Variants in WDFY3 observed in about 807,000 individuals in gnomAD.
WDFY3 encodes the protein WD repeat and FYVE domain-containing protein 3.
A neutral mutation model predicts 409.6 loss-of-function variants in WDFY3; 66 were observed. The observed-to-expected ratio is 0.16, with a 90% CI of 0.13 to 0.20. The LOEUF (loss-of-function observed/expected upper bound fraction) is 0.20, where lower values mean the gene tolerates loss of function less well. WDFY3 is among the 10% of genes least tolerant of loss of function. WDFY3 has a pLI of 1.00. For synonymous variants in WDFY3, 1,521 were observed against 1,537.1 expected, an observed-to-expected ratio of 0.99 and a Z score of 0.25; for missense variants, 3,031 against 4,298.1, an observed-to-expected ratio of 0.71 and a Z score of 8.24.
At chr4:84,768,162 C>A (rs1265734242) in intron 30 of WDFY3, among the ~76,000 whole-genome samples, 1 of 152,150 alleles carries the variant, frequency 6.6e-6, no homozygotes, top group Admixed American at 6.5e-5. Context: ...AGGAAAGAAG[C>A]CATCTCCATA....
chr4:84,862,201 CAGG>C (rs1412400648), intron 3 of WDFY3, among the ~76,000 whole-genome samples: 1 of 152,152 alleles, frequency 6.6e-6, no homozygotes, highest in Non-Finnish European at 1.5e-5. Context: ...CTGTAGCTAA[CAGG>C]AGGACACGAT....
In WDFY3 at chr4:84,789,712, GCACATA is replaced by G; in HGVS notation, c.3669+8_3669+13del. 6.2e-7 allele frequency: 1 copy of G among 1,611,016 alleles called. No individual in the cohort carries two copies. The highest frequency in any genetic ancestry group is 8.5e-7 in the Non-Finnish European group (1 of 1,178,834). ...TTATAAAACAGGTAGATTTACAAGTGCACATACACTTACCTTTACAGTGTTAACAAG... is the reference window on the plus strand; with the variant it reads ...TTATAAAACAGGTAGATTTACAAGTGCACTTACCTTTACAGTGTTAACAAG... On this transcript the variant is annotated splice_region_variant and intron_variant, in intron 22 of 67. Coordinates refer to ENST00000295888, the MANE Select transcript of WDFY3 (RefSeq NM_014991.6).
At chr4:84,871,694 G>A (rs527682663) in intron 3 of WDFY3, among the ~76,000 whole-genome samples, 9 of 151,750 alleles carry the variant, frequency 5.9e-5, no homozygotes, top group Non-Finnish European at 1.3e-4. Context: ...TGGAGTGCAG[G>A]TGCAATCCCA....
At position 84,837,593 on chromosome 4, in the gene WDFY3, G is replaced by A. The variant is rs566757592; in HGVS notation, c.415-503C>T. 4.6e-5 allele frequency among the ~76,000 whole-genome samples: 7 copies of A among 152,182 alleles called. No homozygotes were observed. In the South Asian group the frequency reaches 1.5e-3, roughly 32 times the overall value. On this transcript the variant is annotated intron_variant, in intron 6 of 67. Coordinates refer to ENST00000295888, the MANE Select transcript of WDFY3 (RefSeq NM_014991.6). ...TTTATTCTTATTGTAGATTTTTGAG[G>A]CTGGAAAGACACTTGAGTGATAAAG...
In WDFY3 at chr4:84,746,083, G is replaced by A. The variant is rs541194141; in HGVS notation, c.5974-2284C>T. 4.6e-5 allele frequency among the ~76,000 whole-genome samples: 7 copies of A among 150,712 alleles called. 1 individual carries two copies. The South Asian group carries it at 1.5e-3, about 32-fold the overall frequency. On this transcript the variant is annotated intron_variant, in intron 36 of 67. Transcript: ENST00000295888. ...AGTATTTTGGGAGGCTAAGGCAGGT[G>A]GATTACTTGAACGCAGGAGTTCAAG...
intron 21 of WDFY3, among the ~76,000 whole-genome samples, chr4:84,790,718 C>T (rs1748372092): frequency 6.6e-6 from 1 of 151,960 alleles, no homozygotes; most frequent in African/African-American, 2.4e-5. Context: ...TTTCATAAGG[C>T]AGTAATGTCA....
intron 4 of WDFY3, among the ~76,000 whole-genome samples, chr4:84,850,274 G>A (rs574380298): frequency 6.6e-6 from 1 of 152,060 alleles, no homozygotes; most frequent in South Asian, 2.1e-4. Flanking sequence ...AGACATTATT[G>A]ATAAAATTTG....
At chr4:84,803,144 A>G in intron 16 of WDFY3, 146 bp downstream of exon 16, 1 of 838,066 alleles carries the variant, frequency 1.2e-6, no homozygotes, top group Non-Finnish European at 1.7e-6. Context: ...GTAACACTCA[A>G]ATAAAAAAAT....
chr4:84,753,888 A>C lies in WDFY3; in HGVS notation c.5560-12T>G. 1.3e-6 allele frequency: 2 copies of C among 1,565,838 alleles called. No homozygotes were observed. Among genetic ancestry groups the C allele is most frequent in the South Asian group, 2.4e-5 (2 of 82,914 alleles). On this transcript the variant is annotated splice_polypyrimidine_tract_variant and intron_variant, in intron 34 of 67. Coordinates refer to ENST00000295888, the MANE Select transcript of WDFY3 (RefSeq NM_014991.6). ...TCTGATTGCCAAGGCTGTTATGGGGACATGAGAGGAAACACTATGTTACAG... is the reference window on the plus strand; with the variant it reads ...TCTGATTGCCAAGGCTGTTATGGGGCCATGAGAGGAAACACTATGTTACAG...
At chr4:84,885,777 T>C (rs930566806) in intron 3 of WDFY3, among the ~76,000 whole-genome samples, 1 of 152,198 alleles carries the variant, frequency 6.6e-6, no homozygotes. Flanking sequence ...TCCTTAGACA[T>C]GTGGACAGAA....
At chr4:84,694,023 G>T (rs1025963189) in intron 58 of WDFY3, among the ~76,000 whole-genome samples, 5 of 151,922 alleles carry the variant, frequency 3.3e-5, no homozygotes, top group African/African-American at 1.2e-4. Flanking sequence ...AACTTTAAAT[G>T]AAATGAGATT....
Position 84,715,283 on chromosome 4 carries a change from C to T in WDFY3, c.7961+15G>A, listed in dbSNP as rs1294811256. On this transcript the variant is annotated intron_variant, in intron 50 of 67. Coordinates refer to ENST00000295888, the MANE Select transcript of WDFY3 (RefSeq NM_014991.6). ...TTCCCATAATAGTATACAAAGTGTTCCGAATAAACAAGACCTTTGATAGAC... is the reference window on the plus strand; with the variant it reads ...TTCCCATAATAGTATACAAAGTGTTTCGAATAAACAAGACCTTTGATAGAC... The T allele has an allele frequency of 1.3e-6, 2 of 1,511,706 alleles. No homozygotes were observed. Among genetic ancestry groups the T allele is most frequent in the Non-Finnish European group, 1.8e-6 (2 of 1,090,854 alleles). The allele number at this position is 1,511,706 out of a possible 1,614,324, so 93.6% of individuals were successfully genotyped here.
chr4:84,884,552 C>T (rs1263457132), intron 3 of WDFY3, among the ~76,000 whole-genome samples: 1 of 151,970 alleles, frequency 6.6e-6, no homozygotes, highest in Non-Finnish European at 1.5e-5. Flanking sequence ...CAAGAATTAA[C>T]AATACATATA....
intron 3 of WDFY3, chr4:84,886,431 G>T (rs943198798): frequency 1.3e-5 from 2 of 151,532 alleles, no homozygotes; most frequent in African/African-American, 4.9e-5. Flanking sequence ...CCTTGTGCAG[G>T]AGCCATGCTA....
intron 1 of WDFY3, among the ~76,000 whole-genome samples, chr4:84,946,002 T>C (rs555817620): frequency 1.2e-4 from 18 of 152,266 alleles, no homozygotes; most frequent in African/African-American, 3.6e-4. Flanking sequence ...ACTGCACACC[T>C]GGGGCTAGGA....
At chr4:84,796,857 A>T (rs1749536822) in intron 18 of WDFY3, 105 bp from the exon 19 acceptor site, 2 of 911,810 alleles carry the variant, frequency 2.2e-6, no homozygotes, top group Non-Finnish European at 3.3e-6. Context: ...ATAGACAATA[A>T]TTTTTTTTTA....
intron 3 of WDFY3, among the ~76,000 whole-genome samples, chr4:84,882,884 T>G (rs1468972860): frequency 6.6e-6 from 1 of 152,010 alleles, no homozygotes; most frequent in Non-Finnish European, 1.5e-5. Context: ...ATTTTTTCAG[T>G]TTTTGTAGAG....
intron 10 of WDFY3, among the ~76,000 whole-genome samples, chr4:84,823,859 T>C (rs1225780531): frequency 1.3e-5 from 2 of 152,178 alleles, no homozygotes; most frequent in Non-Finnish European, 2.9e-5. Context: ...GAAGATACTC[T>C]GGCAGTTTCT....
chr4:84,680,494 ATT>A (rs1727176925), intron 64 of WDFY3, among the ~76,000 whole-genome samples: 1 of 152,106 alleles, frequency 6.6e-6, no homozygotes, highest in Non-Finnish European at 1.5e-5. Context: ...TTACTTTGGA[ATT>A]TTGTTCTTCT....
Sources: gnomAD v4.1 joint callset for allele counts (sites outside exome capture counted in the v4.1 genomes callset) on GRCh38, gnomAD v4.1.1 for gene constraint, MANE v1.5 for transcripts, NCBI Gene and HGNC (gene_info 2026-07-23, HGNC 2026-07-21) for gene names.